CHCHD6: variants seen among roughly 807,000 people sequenced by gnomAD.
CHCHD6 encodes the protein MICOS complex subunit MIC25.
Under a neutral mutation model 32.3 loss-of-function variants are expected in CHCHD6, and 28 were observed. That is an observed-to-expected ratio of 0.87 (90% confidence interval 0.64 to 1.19). The LOEUF (loss-of-function observed/expected upper bound fraction) is 1.19. Ranked by LOEUF, CHCHD6 falls within the 50% of genes most tolerant of loss-of-function variation. The pLI is 0.00. For synonymous variants in CHCHD6, 122 were observed against 117.5 expected, an observed-to-expected ratio of 1.04 and a Z score of -0.25; for missense variants, 333 against 307.0, an observed-to-expected ratio of 1.08 and a Z score of -0.63.
chr3:126,766,542 T>G, intron 4 of CHCHD6: 1 of 1,028,728 alleles, frequency 9.7e-7, no homozygotes, highest in Non-Finnish European at 1.5e-6. Flanking sequence ...TGGTGACCTC[T>G]GAGAAAATGC....
intron 5 of CHCHD6, among the ~76,000 whole-genome samples, chr3:126,907,077 TG>T (rs1445011189): frequency 6.6e-6 from 1 of 152,072 alleles, no homozygotes; most frequent in Non-Finnish European, 1.5e-5. Context: ...GGTCATCTGA[TG>T]GTGGGAATTC....
intron 4 of CHCHD6, among the ~76,000 whole-genome samples, chr3:126,812,974 G>A (rs919375920): frequency 6.6e-6 from 1 of 152,082 alleles, no homozygotes; most frequent in Non-Finnish European, 1.5e-5. Flanking sequence ...CTTGCCTTAT[G>A]TATTATAAAC....
chr3:126,878,058 G>A (rs2077563141), intron 5 of CHCHD6, among the ~76,000 whole-genome samples: 1 of 152,206 alleles, frequency 6.6e-6, no homozygotes, highest in African/African-American at 2.4e-5. Flanking sequence ...CTGAGCAAAT[G>A]AGCACTGGTG....
Position 126,816,361 on chromosome 3 carries a change from G to A in CHCHD6, c.412-36286G>A, listed in dbSNP as rs577727111. 4.6e-4 allele frequency among the ~76,000 whole-genome samples: 70 copies of A among 152,304 alleles called. No individual in the cohort carries two copies. In the South Asian group the frequency reaches 6.4e-3, roughly 14 times the overall value. On this transcript the variant is annotated intron_variant, in intron 4 of 7. Coordinates refer to ENST00000290913, the MANE Select transcript of CHCHD6 (RefSeq NM_032343.3). ...CATAAGCAGCCACAGCCAGGTGGTT[G>A]TAAGGGCTTTAGAGCCATTGTTTGG...
chr3:126,854,375 A>C (rs11717563), intron 5 of CHCHD6, among the ~76,000 whole-genome samples: 15,186 of 152,156 alleles, frequency 0.1, 883 homozygotes, highest in Middle Eastern at 0.22. Context: ...AAAGGAGAGC[A>C]CCTCCAACAT....
intron 4 of CHCHD6, among the ~76,000 whole-genome samples, chr3:126,787,170 T>C (rs1347719894): frequency 1.3e-5 from 2 of 152,244 alleles, no homozygotes; most frequent in Non-Finnish European, 2.9e-5. Context: ...CTCTGTTCTG[T>C]TCCATTGGTC....
chr3:126,904,815 A>G (rs1054022536), intron 5 of CHCHD6, among the ~76,000 whole-genome samples: 1 of 152,208 alleles, frequency 6.6e-6, no homozygotes, highest in Non-Finnish European at 1.5e-5. Context: ...TCTAATTAGC[A>G]GTTCACACTG....
intron 4 of CHCHD6, among the ~76,000 whole-genome samples, chr3:126,803,785 T>C (rs1430705389): frequency 1.3e-4 from 20 of 152,142 alleles, no homozygotes; most frequent in Admixed American, 1.3e-3. Flanking sequence ...ACACCACACC[T>C]ATTCCAAAAT....
At chr3:126,773,635 G>A (rs1049809901) in intron 4 of CHCHD6, among the ~76,000 whole-genome samples, 7 of 134,802 alleles carry the variant, frequency 5.2e-5, no homozygotes, top group Non-Finnish European at 9.2e-5. Flanking sequence ...TTGAGACAGA[G>A]CGTCAGAGTC....
In CHCHD6 at chr3:126,823,141, T is replaced by TCCTGGGCAACAAGTAATCCTC. The variant is rs199981031; in HGVS notation, c.412-29499_412-29498insAACAAGTAATCCTCCCTGGGC. Among the ~76,000 whole-genome samples the TCCTGGGCAACAAGTAATCCTC allele has an allele frequency of 8.3e-3, 1,265 of 152,278 alleles. 15 individuals are homozygous for TCCTGGGCAACAAGTAATCCTC. The highest frequency in any genetic ancestry group is 0.028 in the African/African-American group (1,181 of 41,560). On this transcript the variant is annotated intron_variant, in intron 4 of 7. Coordinates refer to ENST00000290913, the MANE Select transcript of CHCHD6 (RefSeq NM_032343.3). ...TGTGTTGCCCAGGCTGGTCTCAGAC[T>TCCTGGGCAACAAGTAATCCTC]CCTGGGCTCAAGTAATCCTCCCACC...
intron 4 of CHCHD6, among the ~76,000 whole-genome samples, chr3:126,783,943 G>T (rs1295334957): frequency 1.3e-5 from 2 of 152,098 alleles, no homozygotes; most frequent in East Asian, 3.9e-4. Flanking sequence ...CAATACTTTT[G>T]GGGGAGGGTA....
chr3:126,735,506 C>T (rs1350075372), intron 4 of CHCHD6, among the ~76,000 whole-genome samples: 2 of 152,298 alleles, frequency 1.3e-5, no homozygotes, highest in Non-Finnish European at 2.9e-5. Flanking sequence ...TTCCAGTTTC[C>T]TTTTGGGAGT....
intron 4 of CHCHD6, among the ~76,000 whole-genome samples, chr3:126,823,414 A>G (rs1021824661): frequency 1.2e-4 from 19 of 152,052 alleles, no homozygotes; most frequent in African/African-American, 2.2e-4. Flanking sequence ...CTCTTCAACA[A>G]TGTTTCATAT....
intron 6 of CHCHD6, among the ~76,000 whole-genome samples, chr3:126,953,352 C>A (rs1332174971): frequency 6.6e-6 from 1 of 152,212 alleles, no homozygotes; most frequent in East Asian, 1.9e-4. Flanking sequence ...TGAACTAGGT[C>A]TCGAATGATA....
chr3:126,771,365 C>A (rs140966475), intron 4 of CHCHD6, among the ~76,000 whole-genome samples: 1 of 151,780 alleles, frequency 6.6e-6, no homozygotes, highest in African/African-American at 2.4e-5. Context: ...CCACCACGCC[C>A]GGCTAATTTT....
chr3:126,815,524 C>T (rs927813916), intron 4 of CHCHD6, among the ~76,000 whole-genome samples: 4 of 152,164 alleles, frequency 2.6e-5, no homozygotes, highest in African/African-American at 9.7e-5. Flanking sequence ...TCTCTCTCAC[C>T]TCTGTGCCAT....
At chr3:126,720,199 C>T (rs566466625) in intron 1 of CHCHD6, among the ~76,000 whole-genome samples, 31 of 152,278 alleles carry the variant, frequency 2.0e-4, no homozygotes, top group African/African-American at 6.5e-4. Flanking sequence ...TTTTGCATGA[C>T]AGGGCCTGGT....
chr3:126,714,325 C>T (rs1022658943), intron 1 of CHCHD6, among the ~76,000 whole-genome samples: 5 of 151,954 alleles, frequency 3.3e-5, no homozygotes, highest in Admixed American at 2.6e-4. Flanking sequence ...ACCACCTGTC[C>T]GACTCCTGTG....
At chr3:126,714,157 A>G (rs1934898900) in intron 1 of CHCHD6, among the ~76,000 whole-genome samples, 1 of 151,774 alleles carries the variant, frequency 6.6e-6, no homozygotes. Flanking sequence ...GAACAAATGG[A>G]AAGTCTGCCA....
Sources: allele counts gnomAD v4.1 joint callset (sites outside exome capture counted in the v4.1 genomes callset), GRCh38; gene constraint gnomAD v4.1.1; transcripts MANE v1.5; gene names NCBI Gene and HGNC (gene_info 2026-07-23, HGNC 2026-07-21).